VPS13B: variants seen among roughly 807,000 people sequenced by gnomAD.
The protein encoded by VPS13B is intermembrane lipid transfer protein VPS13B.
In VPS13B, 285 loss-of-function variants were observed where a neutral mutation model predicts 426.4. The observed-to-expected ratio is 0.67, with a 90% CI of 0.61 to 0.74. The LOEUF is 0.74. Among genes scored for constraint, VPS13B ranks in the 30% least tolerant of loss-of-function variants. VPS13B has a pLI of 0.00. For missense variants in VPS13B, 4,537 were observed against 4,782.6 expected (o/e 0.95, Z 1.51); for synonymous variants, 1,676 against 1,676.4 (o/e 1.00, Z 0.01).
In VPS13B at chr8:99,274,225, C is replaced by T. The variant is rs1818769668; in HGVS notation, c.2543C>T (p.Thr848Ile). Reference sequence around the variant, plus strand: ...GTGAAATCTAAGAATCCCCTGCCAACTCTTGAGGGCTCAATCCAGAATGTT... The same window carrying T: ...GTGAAATCTAAGAATCCCCTGCCAATTCTTGAGGGCTCAATCCAGAATGTT... ...IGVKSKNPLP[T>I]LEGSIQNVEL... Residue 848 changes from threonine (T) to isoleucine (I), a missense_variant, in exon 18 of 62, where the codon ACT becomes ATT. This residue lies in a region of VPS13B where 4,311 missense variants were observed against 4,474.3 expected (regional missense o/e 0.96). Transcript: ENST00000357162. 6.2e-7 allele frequency: 1 copy of T among 1,614,106 alleles called. No homozygotes were observed. Among genetic ancestry groups the T allele is most frequent in the Non-Finnish European group, 8.5e-7 (1 of 1,180,010 alleles).
rs1383149866 is a variant in VPS13B, at chr8:99,848,806, T to G, written c.9973T>G (p.Tyr3325Asp). ...GTTCCTGACTGGCTTTGGCTATGTGTATGTGGATGTTGTACATCAGTGTGG... is the reference window on the plus strand; with the variant it reads ...GTTCCTGACTGGCTTTGGCTATGTGGATGTGGATGTTGTACATCAGTGTGG... ...VVFLTGFGYVYVDVVHQCGTV... is the reference protein window; with the variant it reads ...VVFLTGFGYVDVDVVHQCGTV... Residue 3325 changes from tyrosine (Y) to aspartate (D), a missense_variant, in exon 55 of 62, where the codon TAT becomes GAT. This residue lies in a region of VPS13B where 4,311 missense variants were observed against 4,474.3 expected (regional missense o/e 0.96). Transcript: ENST00000357162. The G allele has an allele frequency of 2.5e-6, 4 of 1,614,134 alleles. No individual in the cohort carries two copies. Among genetic ancestry groups the G allele is most frequent in the Admixed American group, 3.3e-5 (2 of 60,024 alleles).
chr8:99,388,300 A>C (rs1814237985), intron 20 of VPS13B, among the ~76,000 whole-genome samples: 1 of 152,174 alleles, frequency 6.6e-6, no homozygotes, highest in South Asian at 2.1e-4. Context: ...TTTTAGTTTT[A>C]TCTATAATAT....
intron 2 of VPS13B, among the ~76,000 whole-genome samples, chr8:99,019,318 TGCCTCA>T: frequency 6.6e-6 from 1 of 151,702 alleles, no homozygotes; most frequent in Non-Finnish European, 1.5e-5. Context: ...ATGATTTTCC[TGCCTCA>T]GCCTCTCAAG....
intron 30 of VPS13B, among the ~76,000 whole-genome samples, chr8:99,523,387 G>A (rs1484889546): frequency 6.6e-6 from 1 of 152,220 alleles, no homozygotes; most frequent in Non-Finnish European, 1.5e-5. Flanking sequence ...TAGCCAGGCA[G>A]TGGTTACCAC....
At chr8:99,368,945 T>C (rs1213226490) in intron 19 of VPS13B, among the ~76,000 whole-genome samples, 3 of 152,196 alleles carry the variant, frequency 2.0e-5, no homozygotes, top group Non-Finnish European at 4.4e-5. Context: ...TTTCCTTATT[T>C]CCATGTTGTT....
intron 24 of VPS13B, among the ~76,000 whole-genome samples, chr8:99,478,341 T>A (rs1819808565): frequency 6.6e-6 from 1 of 151,710 alleles, no homozygotes; most frequent in Non-Finnish European, 1.5e-5. Context: ...AACACAGGCT[T>A]TGAGTTTAGA....
intron 43 of VPS13B, among the ~76,000 whole-genome samples, chr8:99,798,080 G>T (rs1812942726): frequency 6.6e-6 from 1 of 152,048 alleles, no homozygotes; most frequent in South Asian, 2.1e-4. Flanking sequence ...AATCAACAGT[G>T]AGGTAAACAC....
chr8:99,083,590 G>T (rs1182660061), intron 3 of VPS13B, among the ~76,000 whole-genome samples: 2 of 141,138 alleles, frequency 1.4e-5, no homozygotes, highest in Non-Finnish European at 3.1e-5. Flanking sequence ...GTTGGCTGTG[G>T]GTTTGTCATA....
At chr8:99,158,774 A>G (rs1330472393) in intron 15 of VPS13B, among the ~76,000 whole-genome samples, 2 of 152,112 alleles carry the variant, frequency 1.3e-5, no homozygotes, top group Admixed American at 1.3e-4. Context: ...GCTCACGGAC[A>G]ATGCTCCTGG....
At chr8:99,457,638 A>G (rs955552562) in intron 23 of VPS13B, among the ~76,000 whole-genome samples, 2 of 150,006 alleles carry the variant, frequency 1.3e-5, no homozygotes, top group African/African-American at 4.9e-5. Flanking sequence ...CTTTGTGTTT[A>G]GTTTTATCTT....
intron 17 of VPS13B, among the ~76,000 whole-genome samples, chr8:99,242,544 A>G (rs1816990158): frequency 6.6e-6 from 1 of 152,180 alleles, no homozygotes; most frequent in African/African-American, 2.4e-5. Flanking sequence ...AAATCATGTT[A>G]ACTTTCTTAT....
rs2130941824 is a variant in VPS13B, at chr8:99,861,837, A to G, written c.11106A>G (p.Ser3702=). Residue 3702 remains serine, a synonymous_variant, in exon 58 of 62, where the codon TCA becomes TCG. Coordinates refer to ENST00000357162, the MANE Select transcript of VPS13B (RefSeq NM_152564.5). ...TGGCCCGGAACATGGACCGGCTCTCACTGGATGAGGAGCACTACAACCGGC... is the reference window on the plus strand; with the variant it reads ...TGGCCCGGAACATGGACCGGCTCTCGCTGGATGAGGAGCACTACAACCGGC... ...TSLARNMDRL[S]LDEEHYNRQE... is the part of the protein sequence containing the mutation. The G allele has an allele frequency of 6.2e-7, 1 of 1,600,070 alleles. No individual in the cohort carries two copies. The highest frequency in any genetic ancestry group is 2.3e-5 in the East Asian group (1 of 44,400).
intron 39 of VPS13B, 23 bp downstream of exon 39, chr8:99,721,070 A>G (rs765994792): frequency 2.6e-5 from 42 of 1,612,738 alleles, no homozygotes; most frequent in Non-Finnish European, 3.5e-5. Flanking sequence ...CATTCATTGT[A>G]AAATGAAAAC....
chr8:99,852,452 A>G (rs1816340263), intron 55 of VPS13B, among the ~76,000 whole-genome samples: 1 of 152,240 alleles, frequency 6.6e-6, no homozygotes, highest in South Asian at 2.1e-4. Context: ...TTAAGAGGTC[A>G]GGGAGAGGAA....
intron 58 of VPS13B, among the ~76,000 whole-genome samples, chr8:99,863,356 A>T (rs1378970096): frequency 6.6e-6 from 1 of 152,146 alleles, no homozygotes; most frequent in Non-Finnish European, 1.5e-5. Context: ...AGAGGAAGTG[A>T]CAATGAGGTT....
chr8:99,744,919 A>G (rs1186938689), intron 39 of VPS13B, among the ~76,000 whole-genome samples: 1 of 152,148 alleles, frequency 6.6e-6, no homozygotes, highest in Non-Finnish European at 1.5e-5. Context: ...ATGTATACAT[A>G]TGTAACTAAC....
At chr8:99,298,528 A>C (rs1287661296) in intron 19 of VPS13B, among the ~76,000 whole-genome samples, 1 of 152,078 alleles carries the variant, frequency 6.6e-6, no homozygotes, top group Non-Finnish European at 1.5e-5. Context: ...AATAAAAATA[A>C]AAAAGATATA....
At chr8:99,804,859 A>C (rs1813308097) in intron 43 of VPS13B, among the ~76,000 whole-genome samples, 1 of 152,080 alleles carries the variant, frequency 6.6e-6, no homozygotes, top group Non-Finnish European at 1.5e-5. Flanking sequence ...AAAGCCAGGC[A>C]TGGTGGCATA....
intron 25 of VPS13B, among the ~76,000 whole-genome samples, chr8:99,497,038 G>A (rs948176428): frequency 1.4e-5 from 2 of 146,014 alleles, no homozygotes; most frequent in African/African-American, 5.0e-5. Context: ...AAAATTCTGA[G>A]TGAATACTAG....
Sources: allele counts gnomAD v4.1 joint callset (sites outside exome capture counted in the v4.1 genomes callset), GRCh38; gene constraint gnomAD v4.1.1; regional missense constraint gnomAD v4.1.1; transcripts MANE v1.5; gene names NCBI Gene and HGNC (gene_info 2026-07-23, HGNC 2026-07-21).